HELZ: variants seen among roughly 807,000 people sequenced by gnomAD.
HELZ encodes helicase with zinc finger.
HELZ carries 23 observed loss-of-function variants against 218.2 expected under a neutral mutation model. That is an observed-to-expected ratio of 0.11 (90% CI 0.08 to 0.15). The LOEUF (loss-of-function observed/expected upper bound fraction) is 0.15, where lower values mean the gene tolerates loss of function less well. HELZ is among the 10% of genes least tolerant of loss of function. HELZ has a pLI of 1.00. For synonymous variants in HELZ, 814 were observed against 829.4 expected (o/e 0.98, Z 0.32); for missense variants, 1,813 against 2,353.7 (o/e 0.77, Z 4.75).
upstream of HELZ, chr17:67,245,410 G>T: frequency 1.2e-6 from 1 of 866,738 alleles, no homozygotes; most frequent in Middle Eastern, 5.9e-4. Flanking sequence ...GTGGCTTTGG[G>T]GTTTTCTCCC....
At chr17:67,145,509 C>A (rs1407845585) in intron 21 of HELZ, among the ~76,000 whole-genome samples, 2 of 152,058 alleles carry the variant, frequency 1.3e-5, no homozygotes, top group Non-Finnish European at 2.9e-5. Context: ...TGAATGAAAT[C>A]ATGTATTTTG....
At chr17:67,082,009 G>A (rs1683693226) in intron 32 of HELZ, among the ~76,000 whole-genome samples, 1 of 152,200 alleles carries the variant, frequency 6.6e-6, no homozygotes, top group African/African-American at 2.4e-5. Flanking sequence ...GGAGGGAGAT[G>A]CTGAGACCAT....
intron 12 of HELZ, among the ~76,000 whole-genome samples, chr17:67,180,150 T>A (rs1473387843): frequency 6.6e-6 from 1 of 152,110 alleles, no homozygotes; most frequent in Non-Finnish European, 1.5e-5. Context: ...CCATCAAATG[T>A]AAAGATGGTC....
intron 27 of HELZ, among the ~76,000 whole-genome samples, chr17:67,118,921 G>C (rs1036453198): frequency 8.6e-5 from 13 of 151,952 alleles, no homozygotes; most frequent in Admixed American, 3.9e-4. Context: ...CTCATTATTA[G>C]GGACATGCAA....
At chr17:67,159,772 C>T (rs760856727) in intron 17 of HELZ, among the ~76,000 whole-genome samples, 17 of 152,060 alleles carry the variant, frequency 1.1e-4, no homozygotes, top group Non-Finnish European at 2.2e-4. Context: ...TTGTTAAATA[C>T]CAGTCAAGTA....
intron 17 of HELZ, among the ~76,000 whole-genome samples, chr17:67,154,146 G>C (rs963956135): frequency 4.6e-5 from 7 of 152,222 alleles, no homozygotes; most frequent in Non-Finnish European, 7.3e-5. Flanking sequence ...TTAATATTTT[G>C]GCCAGGCGTG....
chr17:67,122,918 G>T (rs2037660675), intron 26 of HELZ, 52 bp downstream of exon 26: 9 of 1,359,640 alleles, frequency 6.6e-6, no homozygotes, highest in Non-Finnish European at 9.2e-6. Context: ...AACCATTTTA[G>T]TGAAACCTAT....
intron 5 of HELZ, among the ~76,000 whole-genome samples, chr17:67,207,132 G>C (rs543999830): frequency 6.7e-6 from 1 of 148,264 alleles, no homozygotes; most frequent in South Asian, 2.1e-4. Flanking sequence ...GGTTGGTCTC[G>C]AACTCCTGAC....
At chr17:67,117,980 G>T (rs1201064694) in intron 27 of HELZ, among the ~76,000 whole-genome samples, 4 of 152,164 alleles carry the variant, frequency 2.6e-5, no homozygotes, top group African/African-American at 9.7e-5. Context: ...GTGACCTAAA[G>T]ATTAAACACA....
intron 23 of HELZ, among the ~76,000 whole-genome samples, chr17:67,134,545 T>A (rs2038086402): frequency 6.6e-6 from 1 of 151,748 alleles, no homozygotes; most frequent in Non-Finnish European, 1.5e-5. Flanking sequence ...AAAAAAGAAA[T>A]TTTTTTTTCA....
chr17:67,232,431 C>T (rs996148674), intron 3 of HELZ, among the ~76,000 whole-genome samples: 4 of 152,180 alleles, frequency 2.6e-5, no homozygotes, highest in African/African-American at 4.8e-5. Context: ...GGATTACAGG[C>T]GTGAGCCCCT....
chr17:67,104,065 C>A lies in HELZ; in HGVS notation c.5241+3104G>T, dbSNP rs569399781. ...TGCAAAAGAATGAATTTGATACCCA[C>A]CTCACACAATATACAAAAATTAACT... On this transcript the variant is annotated intron_variant, in intron 31 of 32. Transcript: ENST00000358691. 8.0e-4 allele frequency among the ~76,000 whole-genome samples: 122 copies of A among 152,262 alleles called. 2 individuals are homozygous for A. The highest frequency in any genetic ancestry group is 7.8e-3 in the Admixed American group (120 of 15,300).
chr17:67,114,961 T>C (rs1476723486), intron 27 of HELZ, among the ~76,000 whole-genome samples: 6 of 152,176 alleles, frequency 3.9e-5, no homozygotes, highest in East Asian at 1.9e-4. Flanking sequence ...ACAGTTATAA[T>C]AGACAATTCA....
chr17:67,170,546 G>T (rs1294830668), intron 13 of HELZ, among the ~76,000 whole-genome samples: 1 of 151,954 alleles, frequency 6.6e-6, no homozygotes. Flanking sequence ...AGAACAGGAG[G>T]CCAGGCATGG....
intron 21 of HELZ, among the ~76,000 whole-genome samples, chr17:67,141,163 G>C (rs1169080363): frequency 6.6e-6 from 1 of 152,006 alleles, no homozygotes; most frequent in Admixed American, 6.6e-5. Flanking sequence ...TAATTATGTG[G>C]GTAATTATAA....
At chr17:67,193,819 G>A (rs2039959096) in intron 9 of HELZ, 148 bp downstream of exon 9, 4 of 630,240 alleles carry the variant, frequency 6.3e-6, no homozygotes, top group South Asian at 5.9e-5. Context: ...TCATCAATAT[G>A]GTTTTGACTT....
intron 9 of HELZ, 86 bp downstream of exon 9, chr17:67,193,881 A>AACCATTTT (rs2039960751): frequency 1.0e-6 from 1 of 954,018 alleles, no homozygotes; most frequent in Admixed American, 2.2e-5. Context: ...ATTGAAAATA[A>AACCATTTT]ACCATTTTAC....
chr17:67,130,941 G>A (rs1375994404), intron 23 of HELZ, among the ~76,000 whole-genome samples: 1 of 152,142 alleles, frequency 6.6e-6, no homozygotes, highest in East Asian at 1.9e-4. Flanking sequence ...AAGGGCAGGA[G>A]GGCAGTGGCA....
chr17:67,084,593 G>A (rs1397086200), intron 32 of HELZ, among the ~76,000 whole-genome samples: 1 of 151,410 alleles, frequency 6.6e-6, no homozygotes, highest in Non-Finnish European at 1.5e-5. Context: ...AACCCGGGAG[G>A]CGGAGCTTGC....
Sources: allele counts gnomAD v4.1 joint callset (sites outside exome capture counted in the v4.1 genomes callset), GRCh38; gene constraint gnomAD v4.1.1; transcripts MANE v1.5; gene names NCBI Gene and HGNC (gene_info 2026-07-23, HGNC 2026-07-21).